The following EYS variants were observed in gnomAD, a reference collection of about 807,000 sequenced individuals.
EYS encodes protein eyes shut homolog.
Under a neutral mutation model 282.1 loss-of-function variants are expected in EYS, and 250 were observed. The ratio of observed to expected loss-of-function variants is 0.89; its 90% CI spans 0.80 to 0.98. The LOEUF is 0.98. Among genes scored for constraint, EYS ranks in the 50% least tolerant of loss-of-function variants. EYS has a pLI of 0.00. For missense variants in EYS, 4,016 were observed against 3,709.0 expected, an observed-to-expected ratio of 1.08 and a Z score of -2.15; for synonymous variants, 1,355 against 1,282.9, an observed-to-expected ratio of 1.06 and a Z score of -1.20.
intron 35 of EYS, among the ~76,000 whole-genome samples, chr6:63,935,325 C>A (rs979798181): frequency 6.6e-6 from 1 of 152,226 alleles, no homozygotes; most frequent in Non-Finnish European, 1.5e-5. Flanking sequence ...TTACTTTCTG[C>A]TTTCTGGCCA....
chr6:64,354,810 T>C (rs1029920497), intron 29 of EYS, among the ~76,000 whole-genome samples: 13 of 151,424 alleles, frequency 8.6e-5, no homozygotes, highest in Non-Finnish European at 1.6e-4. Flanking sequence ...ATATGTATAA[T>C]GCAATGCTTA....
intron 41 of EYS, among the ~76,000 whole-genome samples, chr6:63,745,255 C>T (rs559464345): frequency 6.6e-6 from 1 of 152,280 alleles, no homozygotes; most frequent in South Asian, 2.1e-4. Context: ...TAAAGATACA[C>T]TCAGTGAAAG....
chr6:64,670,887 A>G (rs1769433102), intron 22 of EYS, among the ~76,000 whole-genome samples: 1 of 151,986 alleles, frequency 6.6e-6, no homozygotes, highest in Non-Finnish European at 1.5e-5. Context: ...CTCCTTCACC[A>G]GCAGCCTCCC....
In EYS at chr6:65,689,618, T is replaced by C. The variant is rs960911321; in HGVS notation, c.-448+17517A>G. 4.0e-5 allele frequency among the ~76,000 whole-genome samples: 6 copies of C among 150,478 alleles called. 1 individual carries two copies. The highest frequency in any genetic ancestry group is 1.2e-4 in the African/African-American group (5 of 41,256). ...TTGCTGTGATATATATGAATATAGA[T>C]ATGTTTAATAATAACATAAGTATTT... On this transcript the variant is annotated intron_variant, in intron 1 of 42. Coordinates refer to ENST00000503581, the MANE Select transcript of EYS (RefSeq NM_001142800.2).
intron 19 of EYS, among the ~76,000 whole-genome samples, chr6:64,848,707 T>C (rs1020470578): frequency 1.3e-5 from 2 of 152,080 alleles, no homozygotes; most frequent in Non-Finnish European, 2.9e-5. Context: ...GTCTGAGTAA[T>C]AGTACACAGA....
chr6:63,789,058 C>T lies in EYS; in HGVS notation c.7578G>A (p.Lys2526=). 6.4e-7 allele frequency: 1 copy of T among 1,551,198 alleles called. No homozygotes were observed. The highest frequency in any genetic ancestry group is 8.7e-7 in the Non-Finnish European group (1 of 1,146,682). The change falls in exon 38 of 43, where the codon AAG becomes AAA. Residue 2526 remains lysine, a splice_region_variant and synonymous_variant. Coordinates refer to ENST00000503581, the MANE Select transcript of EYS (RefSeq NM_001142800.2). ...LGKFFQEGWL[K]VDDHKNKSII... is the part of the protein sequence containing the mutation. ...AAGTGACGAAGGAATGACTCTTTAC[C>T]TTCAGCCAGCCCTCTTGGAAGAACT...
At chr6:64,263,812 G>C (rs1767665981) in intron 30 of EYS, among the ~76,000 whole-genome samples, 1 of 151,998 alleles carries the variant, frequency 6.6e-6, no homozygotes, top group Admixed American at 6.6e-5. Context: ...CCAAAAATTA[G>C]GATCTAAAAA....
chr6:64,726,749 T>C (rs2149948337), intron 22 of EYS, among the ~76,000 whole-genome samples: 1 of 152,296 alleles, frequency 6.6e-6, no homozygotes, highest in Non-Finnish European at 1.5e-5. Context: ...TAGAAGGATG[T>C]GCAAGAAAAC....
chr6:65,227,619 CA>C (rs772687914), intron 12 of EYS, among the ~76,000 whole-genome samples: 10 of 152,044 alleles, frequency 6.6e-5, no homozygotes, highest in Non-Finnish European at 1.3e-4. Flanking sequence ...GGTATCTTAA[CA>C]CTAATGTTTA....
intron 15 of EYS, among the ~76,000 whole-genome samples, chr6:64,942,087 C>T (rs898824993): frequency 1.3e-5 from 2 of 152,076 alleles, no homozygotes; most frequent in African/African-American, 4.8e-5. Flanking sequence ...AGTGTTTAAA[C>T]GTTCTCTTTT....
intron 5 of EYS, among the ~76,000 whole-genome samples, chr6:65,430,204 T>A (rs1767830057): frequency 6.6e-6 from 1 of 152,034 alleles, no homozygotes; most frequent in Non-Finnish European, 1.5e-5. Context: ...ATAACCAAAA[T>A]CAGGTGAGCA....
chr6:65,338,309 G>T (rs192718463), intron 10 of EYS, among the ~76,000 whole-genome samples: 110 of 148,540 alleles, frequency 7.4e-4, no homozygotes, highest in Non-Finnish European at 1.1e-3. Flanking sequence ...AGAAAAATTA[G>T]CAAGAGAGTA....
At chr6:65,635,018 A>G (rs1264146780) in intron 2 of EYS, among the ~76,000 whole-genome samples, 1 of 152,178 alleles carries the variant, frequency 6.6e-6, no homozygotes, top group Admixed American at 6.5e-5. Flanking sequence ...CATATTGGAA[A>G]CAGCTGTTTA....
chr6:65,204,496 A>G (rs1457830424), intron 12 of EYS, among the ~76,000 whole-genome samples: 1 of 151,932 alleles, frequency 6.6e-6, no homozygotes, highest in Non-Finnish European at 1.5e-5. Context: ...AGGAAACACT[A>G]AGGGAATTTC....
At chr6:64,323,734 C>A (rs1770302315) in intron 29 of EYS, among the ~76,000 whole-genome samples, 1 of 152,094 alleles carries the variant, frequency 6.6e-6, no homozygotes, top group Non-Finnish European at 1.5e-5. Context: ...TCTACAAGAT[C>A]TTACCCAAAT....
At chr6:65,028,227 C>T (rs1188050913) in intron 13 of EYS, among the ~76,000 whole-genome samples, 4 of 152,006 alleles carry the variant, frequency 2.6e-5, no homozygotes, top group Non-Finnish European at 5.9e-5. Context: ...CAATGCTTTA[C>T]TCAGAGTCCC....
chr6:63,860,283 C>T (rs567742459), intron 36 of EYS, among the ~76,000 whole-genome samples: 32 of 152,174 alleles, frequency 2.1e-4, no homozygotes, highest in East Asian at 3.9e-4. Flanking sequence ...TTTTTTGTGA[C>T]TCAAAAATAT....
At chr6:64,928,647 AC>A (rs1412807097) in intron 15 of EYS, among the ~76,000 whole-genome samples, 1 of 152,182 alleles carries the variant, frequency 6.6e-6, no homozygotes, top group Non-Finnish European at 1.5e-5. Context: ...ATCTTTAAAA[AC>A]AAATGTTAAA....
At chr6:65,052,774 C>G (rs1032844525) in intron 13 of EYS, among the ~76,000 whole-genome samples, 2 of 151,500 alleles carry the variant, frequency 1.3e-5, no homozygotes, top group African/African-American at 4.8e-5. Context: ...AAAAGAAATA[C>G]GTATTTGAAA....
Sources: gnomAD v4.1 joint callset for allele counts (sites outside exome capture counted in the v4.1 genomes callset) on GRCh38, gnomAD v4.1.1 for gene constraint, MANE v1.5 for transcripts, NCBI Gene and HGNC (gene_info 2026-07-23, HGNC 2026-07-21) for gene names.